The following ESRRG variants were observed in gnomAD, a reference collection of about 807,000 sequenced individuals.
ESRRG encodes the protein estrogen-related receptor gamma.
In ESRRG, 13 loss-of-function variants were observed where a neutral mutation model predicts 44.0. That is an observed-to-expected ratio of 0.30 (90% CI 0.19 to 0.47). ESRRG has a LOEUF of 0.47. Ranked by LOEUF, ESRRG falls within the 20% of genes least tolerant of loss-of-function variation. ESRRG has a pLI of 1.00. For synonymous variants in ESRRG, 215 were observed against 214.6 expected (o/e 1.00, Z -0.02); for missense variants, 395 against 580.6 (o/e 0.68, Z 3.29).
chr1:216,521,270 A>G (rs1419770035), intron 5 of ESRRG, among the ~76,000 whole-genome samples: 1 of 152,142 alleles, frequency 6.6e-6, no homozygotes. Context: ...AAATTATTTA[A>G]CCTAAATAGG....
intron 2 of ESRRG, among the ~76,000 whole-genome samples, chr1:216,787,251 T>G (rs1430397050): frequency 6.6e-6 from 1 of 152,180 alleles, no homozygotes; most frequent in East Asian, 1.9e-4. Context: ...TCTCTCTCTC[T>G]CTGTCCTTGG....
chr1:216,700,013 C>A (rs1575484846), intron 1 of ESRRG, among the ~76,000 whole-genome samples: 1 of 152,120 alleles, frequency 6.6e-6, no homozygotes, highest in Non-Finnish European at 1.5e-5. Flanking sequence ...TCAGCCTGGG[C>A]TGAAATTTAA....
chr1:216,700,510 ACGC>A, intron 1 of ESRRG, among the ~76,000 whole-genome samples: 2 of 152,246 alleles, frequency 1.3e-5, no homozygotes, highest in East Asian at 3.9e-4. Flanking sequence ...ACACACACTT[ACGC>A]ACTCATTTGC....
At chr1:216,869,333 G>C (rs1031671094) in intron 2 of ESRRG, among the ~76,000 whole-genome samples, 10 of 151,994 alleles carry the variant, frequency 6.6e-5, no homozygotes, top group African/African-American at 2.4e-4. Context: ...GGACAAAATT[G>C]CTTTTGTACC....
At chr1:217,017,418 C>G (rs958672043) in intron 1 of ESRRG, among the ~76,000 whole-genome samples, 16 of 138,660 alleles carry the variant, frequency 1.2e-4, no homozygotes, top group African/African-American at 4.2e-4. Context: ...TCAGACACAA[C>G]TGAATCTAGC....
intron 2 of ESRRG, among the ~76,000 whole-genome samples, chr1:216,730,631 G>A (rs1397957574): frequency 6.6e-6 from 1 of 152,116 alleles, no homozygotes; most frequent in East Asian, 1.9e-4. Flanking sequence ...ATGAGTGAAT[G>A]AATGAATGAA....
At chr1:216,842,228 TC>T (rs951096166) in intron 2 of ESRRG, among the ~76,000 whole-genome samples, 4 of 152,184 alleles carry the variant, frequency 2.6e-5, no homozygotes, top group African/African-American at 9.7e-5. Flanking sequence ...GTTCTTAACT[TC>T]CTTTTCATTT....
Position 216,519,378 on chromosome 1 carries a change from C to T in ESRRG, c.906G>A (p.Gln302=), listed in dbSNP as rs760619098. 3 of 1,613,464 alleles carry T rather than the reference C, an allele frequency of 1.9e-6. No homozygotes were observed. In the East Asian group the frequency reaches 6.7e-5, roughly 36 times the overall value. Residue 302 remains glutamine, a synonymous_variant, in exon 6 of 7, where the codon CAG becomes CAA. Transcript: ENST00000408911. ...LSLADQMSLL[Q]SAWMEILILG... The stretch of plus-strand genomic sequence containing the variant: ...GGATCAAAATTTCCATCCAAGCACT[C>T]TGCAGAAGGCTCATCTGGTCCGCCA...
At chr1:217,111,431 T>C (rs2092660010) in intron 1 of ESRRG, among the ~76,000 whole-genome samples, 1 of 152,206 alleles carries the variant, frequency 6.6e-6, no homozygotes, top group Non-Finnish European at 1.5e-5. Flanking sequence ...TATCCAGCTG[T>C]AAGTTAACAA....
At chr1:216,771,153 C>G (rs1290325162) in intron 2 of ESRRG, among the ~76,000 whole-genome samples, 3 of 152,070 alleles carry the variant, frequency 2.0e-5, no homozygotes, top group African/African-American at 7.2e-5. Flanking sequence ...CAAATAATCT[C>G]AAAGGCACAT....
chr1:216,527,701 T>A (rs2048090732), intron 5 of ESRRG, among the ~76,000 whole-genome samples: 1 of 152,188 alleles, frequency 6.6e-6, no homozygotes, highest in African/African-American at 2.4e-5. Context: ...TTCTCTTTTA[T>A]ACATGTGAAA....
chr1:216,986,740 A>C lies in ESRRG; in HGVS notation c.-105-47067T>G, dbSNP rs558542740. Among the ~76,000 whole-genome samples, 10 of 151,156 alleles carry C rather than the reference A, an allele frequency of 6.6e-5. No individual in the cohort carries two copies. In the South Asian group the frequency reaches 2.1e-3, roughly 32 times the overall value. On this transcript the variant is annotated intron_variant, in intron 1 of 7. Transcript: ENST00000359162. ...AGACTCTGCCTCAAAATAAATAAAT[A>C]AAATGAACTAAAAGAAGAAAAAGGG...
chr1:216,895,100 C>A (rs2058264291), intron 2 of ESRRG, among the ~76,000 whole-genome samples: 1 of 152,102 alleles, frequency 6.6e-6, no homozygotes, highest in African/African-American at 2.4e-5. Context: ...TTTTTCCCAT[C>A]TTTAGATAGA....
intron 1 of ESRRG, among the ~76,000 whole-genome samples, chr1:216,711,065 C>A (rs767563500): frequency 6.6e-6 from 1 of 152,168 alleles, no homozygotes; most frequent in Non-Finnish European, 1.5e-5. Flanking sequence ...TTAAGAAGCA[C>A]TTTGTGCTGA....
intron 1 of ESRRG, among the ~76,000 whole-genome samples, chr1:216,693,835 T>C (rs1051373864): frequency 6.6e-6 from 1 of 152,234 alleles, no homozygotes; most frequent in Admixed American, 6.5e-5. Context: ...TTAATTGTTT[T>C]ATACTTCTAT....
chr1:216,661,423 G>A (rs1454574991), intron 2 of ESRRG, among the ~76,000 whole-genome samples: 4 of 152,098 alleles, frequency 2.6e-5, no homozygotes, highest in African/African-American at 9.7e-5. Context: ...TTCAAAACAT[G>A]CAACAACAAC....
intron 3 of ESRRG, among the ~76,000 whole-genome samples, chr1:216,631,649 G>A (rs1050889139): frequency 3.3e-5 from 5 of 151,848 alleles, no homozygotes; most frequent in South Asian, 2.1e-4. Context: ...ATATATGTAC[G>A]TATATAAGTA....
At chr1:216,636,566 A>C (rs527328892) in intron 3 of ESRRG, among the ~76,000 whole-genome samples, 4 of 152,264 alleles carry the variant, frequency 2.6e-5, no homozygotes, top group African/African-American at 9.6e-5. Flanking sequence ...GTCTCCCAGG[A>C]CTGTTTAAGA....
chr1:216,759,455 C>A (rs539586773), intron 2 of ESRRG, among the ~76,000 whole-genome samples: 3 of 152,230 alleles, frequency 2.0e-5, no homozygotes, highest in East Asian at 3.9e-4. Context: ...GTTTTCCCCC[C>A]ATTCACTCAA....
Sources: allele counts gnomAD v4.1 joint callset (sites outside exome capture counted in the v4.1 genomes callset), GRCh38; gene constraint gnomAD v4.1.1; transcripts MANE v1.5; gene names NCBI Gene and HGNC (gene_info 2026-07-23, HGNC 2026-07-21).